Variants in GLS observed in about 807,000 individuals in gnomAD.
GLS encodes glutaminase.
In GLS, 36 loss-of-function variants were observed where a neutral mutation model predicts 86.7. The ratio of observed to expected loss-of-function variants is 0.42; its 90% CI spans 0.32 to 0.55. GLS has a LOEUF of 0.55. GLS is among the 20% of genes least tolerant of loss of function. The pLI is 0.17. For missense variants in GLS, 528 were observed against 833.4 expected (o/e 0.63, Z 4.51); for synonymous variants, 317 against 305.9 (o/e 1.04, Z -0.38).
chr2:190,962,757 C>A lies in GLS; in HGVS notation c.1854-73C>A. On this transcript the variant is annotated intron_variant, in intron 17 of 17. Coordinates refer to ENST00000320717, the MANE Select transcript of GLS (RefSeq NM_014905.5). The surrounding 1 kb of genome is among the most constrained non-coding windows in gnomAD (Gnocchi z 4.2). ...TGGCCATTTAACCTGCATTTAAAAT[C>A]TAGGAATGTGGGGTGATCATCTTTG... 1.0e-6 allele frequency: 1 copy of A among 992,188 alleles called. No individual in the cohort carries two copies. The highest frequency in any genetic ancestry group is 1.4e-6 in the Non-Finnish European group (1 of 727,210). 61.5% of individuals were successfully genotyped at this position (992,188 alleles called of 1,614,324 possible). A position where few individuals can be genotyped will look rare whatever the true frequency, so the allele number is the denominator to read the frequency against.
At chr2:190,889,197 C>T (rs1454476658) in intron 1 of GLS, among the ~76,000 whole-genome samples, 3 of 152,218 alleles carry the variant, frequency 2.0e-5, no homozygotes, top group Non-Finnish European at 2.9e-5. Context: ...TAAACAAGTT[C>T]AGACAGTATT....
chr2:190,946,257 A>G (rs2124939080), intron 14 of GLS, among the ~76,000 whole-genome samples: 1 of 152,338 alleles, frequency 6.6e-6, no homozygotes, highest in South Asian at 2.1e-4. Flanking sequence ...AATAGGTAGT[A>G]TGCCTCAATT....
In GLS at chr2:190,943,033, C is replaced by CT. The variant is rs1690486973; in HGVS notation, c.1651-10531dup. ...CTAAAGAAAGAAGCTTTACTGGAAACTCACCTGACGCTCATTGACCAGACT... is the reference window on the plus strand; with the variant it reads ...CTAAAGAAAGAAGCTTTACTGGAAACTTCACCTGACGCTCATTGACCAGACT... On this transcript the variant is annotated intron_variant, in intron 14 of 17. Transcript: ENST00000320717. This position sits in a 1 kb window ranked among gnomAD's most constrained non-coding sequence, Gnocchi z 4.5. Among the ~76,000 whole-genome samples the CT allele has an allele frequency of 6.6e-6, 1 of 152,190 alleles. No individual in the cohort carries two copies. Among genetic ancestry groups the CT allele is most frequent in the Admixed American group, 6.5e-5 (1 of 15,278 alleles).
At chr2:190,927,135 G>A in intron 11 of GLS, 171 bp from the exon 12 acceptor site, 2 of 557,154 alleles carry the variant, frequency 3.6e-6, no homozygotes, top group Non-Finnish European at 6.1e-6. Context: ...TTAAAAGTGG[G>A]TAGGACTTCG....
At chr2:190,937,431 CAT>C (rs1690303261) in intron 14 of GLS, among the ~76,000 whole-genome samples, 1 of 151,276 alleles carries the variant, frequency 6.6e-6, no homozygotes, top group African/African-American at 2.4e-5. Flanking sequence ...ATTTATCCAA[CAT>C]GAAACAGCGG....
chr2:190,933,608 C>A, intron 14 of GLS: 1 of 947,890 alleles, frequency 1.1e-6, no homozygotes, highest in Non-Finnish European at 1.3e-6. Context: ...CAATAAAAAG[C>A]TATAATGGTT....
Position 190,954,557 on chromosome 2 carries a change from T to C in GLS, c.1713-27T>C, listed in dbSNP as rs767508759. The C allele has an allele frequency of 2.0e-6, 3 of 1,519,774 alleles. No individual in the cohort carries two copies. In the East Asian group the frequency reaches 6.8e-5, roughly 34 times the overall value. The allele number at this position is 1,519,774 out of a possible 1,614,324, so 94.1% of individuals were successfully genotyped here. A position where few individuals can be genotyped will look rare whatever the true frequency, so the allele number is the denominator to read the frequency against. On this transcript the variant is annotated intron_variant, in intron 15 of 17. Coordinates refer to ENST00000320717, the MANE Select transcript of GLS (RefSeq NM_014905.5). This position sits in a 1 kb window ranked among gnomAD's most constrained non-coding sequence, Gnocchi z 4.0. ...TGAATTAAATTTGCTTTATATATAA[T>C]AAATAGCTGTGCTTACACATTTTCA...
Position 190,962,766 on chromosome 2 carries a change from T to C in GLS, c.1854-64T>C, listed in dbSNP as rs944538407. The C allele has an allele frequency of 4.7e-6, 5 of 1,057,768 alleles. No homozygotes were observed. The highest frequency in any genetic ancestry group is 6.4e-6 in the Non-Finnish European group (5 of 780,468). 65.5% of individuals were successfully genotyped at this position (1,057,768 alleles called of 1,614,324 possible). A position where few individuals can be genotyped will look rare whatever the true frequency, so the allele number is the denominator to read the frequency against. On this transcript the variant is annotated intron_variant, in intron 17 of 17. Coordinates refer to ENST00000320717, the MANE Select transcript of GLS (RefSeq NM_014905.5). This position sits in a 1 kb window ranked among gnomAD's most constrained non-coding sequence, Gnocchi z 4.2. ...AACCTGCATTTAAAATCTAGGAATG[T>C]GGGGTGATCATCTTTGTACATAAAT...
Position 190,957,025 on chromosome 2 carries a change from A to G in GLS, c.1853+2207A>G, listed in dbSNP as rs563101258. 2.8e-4 allele frequency among the ~76,000 whole-genome samples: 42 copies of G among 152,318 alleles called. 1 individual carries two copies. In the South Asian group the frequency reaches 8.3e-3, roughly 30 times the overall value. ...TTGGGCCGAGATGATGGGGTTTTGT[A>G]AATATACAATCATGTCATCTGCAAA... is the stretch of plus-strand genomic sequence containing the variant. On this transcript the variant is annotated intron_variant, in intron 17 of 17. Coordinates refer to ENST00000320717, the MANE Select transcript of GLS (RefSeq NM_014905.5).
In GLS at chr2:190,913,310, C is replaced by T; in HGVS notation, c.1038+2989C>T. ...AGGAGCCTGTTGCATAAATTCTTAA[C>T]TACTAAGCTTATAGGAAAACTCCAA... On this transcript the variant is annotated intron_variant, in intron 7 of 17. Transcript: ENST00000320717. The surrounding 1 kb of genome is among the most constrained non-coding windows in gnomAD (Gnocchi z 6.1). 8.0e-7 allele frequency: 1 copy of T among 1,256,918 alleles called. No homozygotes were observed. The highest frequency in any genetic ancestry group is 1.6e-5 in the African/African-American group (1 of 63,458). The allele number at this position is 1,256,918 out of a possible 1,614,324, so 77.9% of individuals were successfully genotyped here.
rs567138714 is a variant in GLS, at chr2:190,964,020, A to G, written c.*1034A>G. On this transcript the variant is annotated 3_prime_UTR_variant, in exon 18 of 18. Coordinates refer to ENST00000320717, the MANE Select transcript of GLS (RefSeq NM_014905.5). The surrounding 1 kb of genome is among the most constrained non-coding windows in gnomAD (Gnocchi z 5.2). ...ACAAACATTTGTTTCCAAGCCTGTC[A>G]TTAAGAGTCTGCATCAAGAGATTTG... The G allele has an allele frequency of 4.5e-4, 69 of 152,290 alleles. No individual in the cohort carries two copies. The highest frequency in any genetic ancestry group is 1.5e-3 in the African/African-American group (62 of 41,576). 9.4% of individuals were successfully genotyped at this position (152,290 alleles called of 1,614,324 possible).
In GLS at chr2:190,951,786, T is replaced by C. The variant is rs144814742; in HGVS notation, c.1651-1779T>C. On this transcript the variant is annotated intron_variant, in intron 14 of 17. Coordinates refer to ENST00000320717, the MANE Select transcript of GLS (RefSeq NM_014905.5). This position sits in a 1 kb window ranked among gnomAD's most constrained non-coding sequence, Gnocchi z 4.2. Reference sequence around the variant, plus strand: ...GTAATAGCCAGTCAGTATTCTGTGGTCCAAGAGCAAAAAGGGAATTGAGAA... The same window carrying C: ...GTAATAGCCAGTCAGTATTCTGTGGCCCAAGAGCAAAAAGGGAATTGAGAA... Among the ~76,000 whole-genome samples the C allele has an allele frequency of 2.2e-4, 33 of 152,136 alleles. No individual in the cohort carries two copies. Among genetic ancestry groups the C allele is most frequent in the Non-Finnish European group, 4.6e-4 (31 of 68,006 alleles).
chr2:190,898,257 C>G (rs559166346), intron 3 of GLS, among the ~76,000 whole-genome samples: 2 of 152,194 alleles, frequency 1.3e-5, no homozygotes, highest in South Asian at 4.2e-4. Flanking sequence ...TTTTGTCAAT[C>G]ATTGTGCATT....
intron 11 of GLS, among the ~76,000 whole-genome samples, chr2:190,926,234 A>G (rs1490098022): frequency 6.6e-6 from 1 of 152,230 alleles, no homozygotes; most frequent in Non-Finnish European, 1.5e-5. Flanking sequence ...GGAAATGATC[A>G]TTGGAATTCA....
chr2:190,950,552 T>G (rs1690693670), intron 14 of GLS, among the ~76,000 whole-genome samples: 1 of 152,206 alleles, frequency 6.6e-6, no homozygotes, highest in Non-Finnish European at 1.5e-5. Flanking sequence ...TTTGTCTGAA[T>G]TAGAAAAAGC....
At chr2:190,928,677 A>G (rs966996175) in intron 12 of GLS, among the ~76,000 whole-genome samples, 2 of 147,816 alleles carry the variant, frequency 1.4e-5, no homozygotes, top group African/African-American at 2.5e-5. Context: ...GATACAGATG[A>G]GGTGCATACA....
intron 1 of GLS, 118 bp downstream of exon 1, chr2:190,881,588 A>C (rs929235591): frequency 2.0e-6 from 2 of 1,009,326 alleles, no homozygotes; most frequent in Admixed American, 3.1e-5. Context: ...AGAAAGAAAG[A>C]GGTGCCGGGC....
At position 190,954,529 on chromosome 2, in the gene GLS, G is replaced by T. The variant is rs1690809936; in HGVS notation, c.1713-55G>T. On this transcript the variant is annotated intron_variant, in intron 15 of 17. Coordinates refer to ENST00000320717, the MANE Select transcript of GLS (RefSeq NM_014905.5). The surrounding 1 kb of genome is among the most constrained non-coding windows in gnomAD (Gnocchi z 4.0). ...TGAACTGATGGAGTGAATGTTACCA[G>T]TGTGAATTAAATTTGCTTTATATAT... is the stretch of plus-strand genomic sequence containing the variant. 1 of 1,138,102 alleles carries T rather than the reference G, an allele frequency of 8.8e-7. No homozygotes were observed. Among genetic ancestry groups the T allele is most frequent in the Non-Finnish European group, 1.3e-6 (1 of 769,916 alleles). The allele number at this position is 1,138,102 out of a possible 1,614,324, so 70.5% of individuals were successfully genotyped here. A position where few individuals can be genotyped will look rare whatever the true frequency, so the allele number is the denominator to read the frequency against.
chr2:190,954,092 ATTTTC>A lies in GLS; in HGVS notation c.1712+471_1712+475del, dbSNP rs1217231756. 1.4e-5 allele frequency among the ~76,000 whole-genome samples: 2 copies of A among 145,368 alleles called. No homozygotes were observed. Among genetic ancestry groups the A allele is most frequent in the Non-Finnish European group, 3.0e-5 (2 of 67,274 alleles). The stretch of plus-strand genomic sequence containing the variant: ...GGTCTTTTGTGTAGAGTTGTAACTT[ATTTTC>A]TTTTTTTTTTCTCCCATTAATACCT... On this transcript the variant is annotated intron_variant, in intron 15 of 17. Coordinates refer to ENST00000320717, the MANE Select transcript of GLS (RefSeq NM_014905.5). This position sits in a 1 kb window ranked among gnomAD's most constrained non-coding sequence, Gnocchi z 4.0.
Sources: allele counts gnomAD v4.1 joint callset (sites outside exome capture counted in the v4.1 genomes callset), GRCh38; gene constraint gnomAD v4.1.1; non-coding constraint Gnocchi (gnomAD v3.1); transcripts MANE v1.5; gene names NCBI Gene and HGNC (gene_info 2026-07-23, HGNC 2026-07-21).